The following GALNT13 variants were observed in gnomAD, a reference collection of about 807,000 sequenced individuals.
The protein encoded by GALNT13 is UDP-GalNAc:polypeptide N-acetylgalactosaminyltransferase 13.
In GALNT13, 28 loss-of-function variants were observed where a neutral mutation model predicts 64.2. The ratio of observed to expected loss-of-function variants is 0.44; its 90% confidence interval spans 0.32 to 0.60. The LOEUF (loss-of-function observed/expected upper bound fraction) is 0.60, where lower values mean the gene tolerates loss of function less well. Among genes scored for constraint, GALNT13 ranks in the 20% least tolerant of loss-of-function variants. The pLI is 0.05. For synonymous variants in GALNT13, 214 were observed against 224.6 expected (o/e 0.95, Z 0.42); for missense variants, 577 against 669.8 (o/e 0.86, Z 1.53).
intron 1 of GALNT13, among the ~76,000 whole-genome samples, chr2:153,893,651 G>A (rs566031704): frequency 1.9e-4 from 29 of 151,890 alleles, no homozygotes; most frequent in African/African-American, 6.8e-4. Context: ...TATTGATATT[G>A]TTTTGAAGAT....
At chr2:153,620,259 G>T in the GALNT13 span, among the ~76,000 whole-genome samples, 1 of 151,930 alleles carries the variant, frequency 6.6e-6, no homozygotes, top group Non-Finnish European at 1.5e-5. Context: ...AAGTAGCTGG[G>T]ATTATAGGAG....
intron 3 of GALNT13, among the ~76,000 whole-genome samples, chr2:154,082,309 G>A (rs951074998): frequency 2.0e-5 from 3 of 151,612 alleles, no homozygotes; most frequent in African/African-American, 7.3e-5. Flanking sequence ...TCTGTCTTAT[G>A]TGCCAGAGCA....
the GALNT13 span, among the ~76,000 whole-genome samples, chr2:153,395,087 G>T: frequency 6.6e-6 from 1 of 152,118 alleles, no homozygotes; most frequent in African/African-American, 2.4e-5. Flanking sequence ...TTGCCGTGGG[G>T]CCTCCTTTGG....
chr2:154,369,798 G>C (rs759138763), intron 9 of GALNT13, among the ~76,000 whole-genome samples: 1 of 152,124 alleles, frequency 6.6e-6, no homozygotes, highest in Non-Finnish European at 1.5e-5. Context: ...CCAAGATTAA[G>C]GTGTCAATGA....
intron 8 of GALNT13, among the ~76,000 whole-genome samples, chr2:154,300,212 C>T (rs1019190543): frequency 6.7e-6 from 1 of 149,136 alleles, no homozygotes; most frequent in African/African-American, 2.5e-5. Context: ...AAGCGATTCT[C>T]TTGCCTCAGC....
chr2:153,245,545 G>A, the GALNT13 span, among the ~76,000 whole-genome samples: 1 of 152,054 alleles, frequency 6.6e-6, no homozygotes, highest in Non-Finnish European at 1.5e-5. Flanking sequence ...GAAGAAAAGG[G>A]GCCTGACTGT....
the GALNT13 span, among the ~76,000 whole-genome samples, chr2:153,668,923 A>T: frequency 6.6e-6 from 1 of 152,118 alleles, no homozygotes. Flanking sequence ...CCCCTACAAG[A>T]CTTTAGTATA....
chr2:153,943,067 A>G (rs1240209552), intron 2 of GALNT13, among the ~76,000 whole-genome samples: 1 of 152,208 alleles, frequency 6.6e-6, no homozygotes, highest in African/African-American at 2.4e-5. Context: ...AACAAATGAT[A>G]TCAGAATATG....
At chr2:153,769,364 T>C in the GALNT13 span, among the ~76,000 whole-genome samples, 1 of 152,302 alleles carries the variant, frequency 6.6e-6, no homozygotes, top group African/African-American at 2.4e-5. Context: ...GATACAAAGC[T>C]GTTGGCTAGC....
At chr2:153,833,083 A>G in the GALNT13 span, among the ~76,000 whole-genome samples, 1 of 152,112 alleles carries the variant, frequency 6.6e-6, no homozygotes, top group East Asian at 1.9e-4. Flanking sequence ...GTCCCTCTCC[A>G]TCTTGTTCAG....
chr2:153,932,963 T>A (rs1425097417), intron 2 of GALNT13, among the ~76,000 whole-genome samples: 1 of 152,154 alleles, frequency 6.6e-6, no homozygotes, highest in African/African-American at 2.4e-5. Context: ...CTATTTTTAT[T>A]GCTCTGTGTT....
chr2:153,639,460 A>C, the GALNT13 span, among the ~76,000 whole-genome samples: 1 of 152,218 alleles, frequency 6.6e-6, no homozygotes, highest in Non-Finnish European at 1.5e-5. Context: ...GGTGGCTAAG[A>C]ATTTGAAAGA....
the GALNT13 span, among the ~76,000 whole-genome samples, chr2:153,077,191 A>G: frequency 1.6e-4 from 25 of 152,052 alleles, no homozygotes; most frequent in Non-Finnish European, 3.1e-4. Context: ...ACCTCAGGTG[A>G]TCCACCTACC....
chr2:154,350,906 G>T (rs1696359903), intron 9 of GALNT13, among the ~76,000 whole-genome samples: 1 of 152,172 alleles, frequency 6.6e-6, no homozygotes, highest in African/African-American at 2.4e-5. Context: ...ACTTTGAGAA[G>T]AATATTTAGA....
chr2:153,419,247 G>A, the GALNT13 span, among the ~76,000 whole-genome samples: 7 of 152,174 alleles, frequency 4.6e-5, no homozygotes, highest in Admixed American at 4.6e-4. Context: ...AAAACCATTA[G>A]ATCTTGTGAG....
the GALNT13 span, among the ~76,000 whole-genome samples, chr2:153,658,154 G>A: frequency 6.6e-6 from 1 of 152,066 alleles, no homozygotes; most frequent in Admixed American, 6.6e-5. Context: ...TGCAGCCACA[G>A]CTTTCCTATT....
intron 4 of GALNT13, among the ~76,000 whole-genome samples, chr2:154,207,509 T>G (rs1396470237): frequency 6.6e-6 from 1 of 152,156 alleles, no homozygotes; most frequent in Non-Finnish European, 1.5e-5. Context: ...TTACTTACAT[T>G]GTAGGAGGAG....
chr2:153,548,835 A>C, the GALNT13 span, among the ~76,000 whole-genome samples: 6,244 of 152,312 alleles, frequency 0.041, 399 homozygotes, highest in African/African-American at 0.14. Context: ...AAATGTTCAT[A>C]ACAGCATGAT....
At chr2:153,844,863 C>G in the GALNT13 span, among the ~76,000 whole-genome samples, 3 of 152,148 alleles carry the variant, frequency 2.0e-5, no homozygotes, top group African/African-American at 7.2e-5. Flanking sequence ...TTTCAAATAT[C>G]CCTAGGCATG....
Sources: gnomAD v4.1 joint callset for allele counts (sites outside exome capture counted in the v4.1 genomes callset) on GRCh38, gnomAD v4.1.1 for gene constraint, MANE v1.5 for transcripts, NCBI Gene and HGNC (gene_info 2026-07-23, HGNC 2026-07-21) for gene names.